The following DNMBP variants were observed in gnomAD, a reference collection of about 807,000 sequenced individuals.
DNMBP encodes the protein dynamin-binding protein.
Under a neutral mutation model 150.0 loss-of-function variants are expected in DNMBP, and 87 were observed. The observed-to-expected ratio is 0.58, with a 90% CI of 0.49 to 0.69. The LOEUF is 0.69. Among genes scored for constraint, DNMBP ranks in the 30% least tolerant of loss-of-function variants. The pLI is 0.00. For missense variants in DNMBP, 1,774 were observed against 1,949.0 expected (o/e 0.91, Z 1.69); for synonymous variants, 711 against 750.4 (o/e 0.95, Z 0.86).
intron 1 of DNMBP, among the ~76,000 whole-genome samples, chr10:99,995,840 G>A (rs565484616): frequency 6.6e-6 from 1 of 152,374 alleles, no homozygotes; most frequent in South Asian, 2.1e-4. Context: ...AAACACGTCT[G>A]TCTTCAAGAA....
intron 1 of DNMBP, among the ~76,000 whole-genome samples, chr10:99,999,138 G>A (rs886417534): frequency 6.6e-6 from 1 of 152,148 alleles, no homozygotes; most frequent in African/African-American, 2.4e-5. Context: ...TGGTGAGTTA[G>A]TCTCGCATAC....
At chr10:99,931,198 T>C (rs1251814505) in intron 4 of DNMBP, among the ~76,000 whole-genome samples, 1 of 152,200 alleles carries the variant, frequency 6.6e-6, no homozygotes, top group African/African-American at 2.4e-5. Flanking sequence ...CCCCCGCCTC[T>C]TTAATCCTTT....
chr10:99,974,260 C>T lies in DNMBP; in HGVS notation c.-10-2126G>A, dbSNP rs117354265. Among the ~76,000 whole-genome samples the T allele has an allele frequency of 3.8e-3, 584 of 152,316 alleles. 2 individuals carry two copies. Among genetic ancestry groups the T allele is most frequent in the Non-Finnish European group, 6.1e-3 (417 of 68,028 alleles). Reference sequence around the variant, plus strand: ...GTTTTTGGTTCACAGAAGTCAGTGGCCCAACCCCGGGGAGTATCCTTGTAC... The same window carrying T: ...GTTTTTGGTTCACAGAAGTCAGTGGTCCAACCCCGGGGAGTATCCTTGTAC... On this transcript the variant is annotated intron_variant, in intron 1 of 16. Transcript: ENST00000324109.
At chr10:99,961,549 A>G in intron 3 of DNMBP, among the ~76,000 whole-genome samples, 1 of 148,496 alleles carries the variant, frequency 6.7e-6, no homozygotes, top group South Asian at 2.2e-4. Context: ...GGTATGAGCC[A>G]CTGTGCCCGG....
chr10:99,879,450 A>C (rs917210267), intron 16 of DNMBP, among the ~76,000 whole-genome samples: 2 of 152,278 alleles, frequency 1.3e-5, no homozygotes, highest in African/African-American at 4.8e-5. Flanking sequence ...CTGGGTGACA[A>C]ACTCCTCAAA....
Position 99,956,556 on chromosome 10 carries a change from C to T in DNMBP, c.918G>A (p.Glu306=). Residue 306 remains glutamate (E), a synonymous_variant, in exon 4 of 17, where the codon GAG becomes GAA. Transcript: ENST00000324109. ...FVKLCPDTRV[E]ETMALPQEGS... ...CTTCCTGGGGCAGAGCCATGGTTTCCTCCACCCGTGTGTCAGGACATAATT... is the reference window on the plus strand; with the variant it reads ...CTTCCTGGGGCAGAGCCATGGTTTCTTCCACCCGTGTGTCAGGACATAATT... The T allele has an allele frequency of 6.2e-7, 1 of 1,614,152 alleles. No homozygotes were observed. The highest frequency in any genetic ancestry group is 8.5e-7 in the Non-Finnish European group (1 of 1,180,022).
At chr10:99,949,377 A>G (rs1291948445) in intron 4 of DNMBP, among the ~76,000 whole-genome samples, 1 of 152,226 alleles carries the variant, frequency 6.6e-6, no homozygotes, top group African/African-American at 2.4e-5. Context: ...TGTTATATTG[A>G]AAGTTCTTTA....
intron 4 of DNMBP, among the ~76,000 whole-genome samples, chr10:99,953,360 A>G (rs1322480472): frequency 1.3e-5 from 2 of 151,922 alleles, no homozygotes; most frequent in South Asian, 2.1e-4. Flanking sequence ...CGGCCTCCCA[A>G]AGTGCTGGTA....
chr10:99,916,491 T>C (rs2039966418), intron 4 of DNMBP, among the ~76,000 whole-genome samples: 1 of 152,176 alleles, frequency 6.6e-6, no homozygotes, highest in East Asian at 1.9e-4. Flanking sequence ...AACCTAGTTG[T>C]GTCATACACA....
At chr10:99,894,404 A>G (rs1198987037) in intron 11 of DNMBP, among the ~76,000 whole-genome samples, 1 of 152,232 alleles carries the variant, frequency 6.6e-6, no homozygotes, top group Non-Finnish European at 1.5e-5. Context: ...GCTTGAGGCA[A>G]GGAAAGACCT....
Position 99,956,888 on chromosome 10 carries a change from C to T in DNMBP, c.586G>A (p.Glu196Lys). Residue 196 changes from glutamate to lysine, a missense_variant, in exon 4 of 17, where the codon GAA becomes AAA. Coordinates refer to ENST00000324109, the MANE Select transcript of DNMBP (RefSeq NM_015221.4). ...ELEGRRGIFPEGFVELLGPLR... is the reference protein window; with the variant it reads ...ELEGRRGIFPKGFVELLGPLR... ...GGCCCCAACAGCTCTACAAAACCTTCTGGAAAAATGCCTCTTCGGCCCTCT... is the reference window on the plus strand; with the variant it reads ...GGCCCCAACAGCTCTACAAAACCTTTTGGAAAAATGCCTCTTCGGCCCTCT... The T allele has an allele frequency of 6.2e-7, 1 of 1,614,236 alleles. No homozygotes were observed. The highest frequency in any genetic ancestry group is 8.5e-7 in the Non-Finnish European group (1 of 1,180,046).
In DNMBP at chr10:99,955,842, GC is replaced by G. The variant is rs771912879; in HGVS notation, c.1631del (p.Gly544AlafsTer9). 4.3e-6 allele frequency: 7 copies of G among 1,614,128 alleles called. No homozygotes were observed. The highest frequency in any genetic ancestry group is 5.9e-6 in the Non-Finnish European group (7 of 1,180,050). On this transcript the variant is annotated frameshift_variant, in exon 4 of 17. Transcript: ENST00000324109. LOFTEE classifies it high-confidence loss of function. ...MEAATHSQGDGSTDLDSKLTQ... is the reference protein window; with the variant it reads ...MEAATHSQGDXSTDLDSKLTQ... ...TCAGCTTCGAGTCCAGGTCAGTGCTGCCGTCTCCCTGTGAATGTGTTGCTGC... is the reference window on the plus strand; with the variant it reads ...TCAGCTTCGAGTCCAGGTCAGTGCTGCGTCTCCCTGTGAATGTGTTGCTGC...
intron 4 of DNMBP, among the ~76,000 whole-genome samples, chr10:99,914,426 T>TGAA (rs1589415438): frequency 6.6e-6 from 1 of 152,188 alleles, no homozygotes; most frequent in African/African-American, 2.4e-5. Flanking sequence ...GGCAAAACTG[T>TGAA]GAAGTGGGCA....
intron 1 of DNMBP, among the ~76,000 whole-genome samples, chr10:100,001,040 G>A (rs1422461001): frequency 1.1e-4 from 17 of 150,486 alleles, no homozygotes; most frequent in Non-Finnish European, 1.6e-4. Context: ...GACCAGCCTG[G>A]CCAACATGGG....
At chr10:99,994,163 G>A (rs1200869340) in intron 1 of DNMBP, among the ~76,000 whole-genome samples, 1 of 152,140 alleles carries the variant, frequency 6.6e-6, no homozygotes, top group Admixed American at 6.6e-5. Context: ...ACAGAATTTA[G>A]TTTCAATTTC....
In DNMBP at chr10:99,879,936, C is replaced by G. The variant is rs1379752462; in HGVS notation, c.4423G>C (p.Val1475Leu). The G allele has an allele frequency of 3.1e-6, 5 of 1,614,232 alleles. No individual in the cohort carries two copies. Among genetic ancestry groups the G allele is most frequent in the Non-Finnish European group, 4.2e-6 (5 of 1,180,044 alleles). The change falls in exon 16 of 17, where the codon GTT becomes CTT. Residue 1475 changes from valine (V) to leucine (L), a missense_variant. By Grantham distance (32) the Val-to-Leu change is conservative. Around this residue, in one of 2 missense-constraint regions of DNMBP, gnomAD observed 1,430 missense variants for 1,492.5 expected, o/e 0.96. Coordinates refer to ENST00000324109, the MANE Select transcript of DNMBP (RefSeq NM_015221.4). ...SYRNFRHPEI[V>L]GYSVPGRNGQ... is the part of the protein sequence containing the mutation. Reference sequence around the variant, plus strand: ...TTTCGTCCTGGTACGGAGTAGCCAACTATTTCTGGATGCCTGAAGTTCCGG... The same window carrying G: ...TTTCGTCCTGGTACGGAGTAGCCAAGTATTTCTGGATGCCTGAAGTTCCGG...
intron 1 of DNMBP, among the ~76,000 whole-genome samples, chr10:99,986,427 G>A (rs541075762): frequency 3.3e-4 from 50 of 151,928 alleles, no homozygotes; most frequent in African/African-American, 1.0e-3. Context: ...CAAAAGCAAG[G>A]GAGAATTTAT....
intron 7 of DNMBP, among the ~76,000 whole-genome samples, chr10:99,899,377 G>A (rs185717525): frequency 6.6e-6 from 1 of 152,176 alleles, no homozygotes; most frequent in African/African-American, 2.4e-5. Context: ...CGAGGCAGGC[G>A]GATCACTTGA....
chr10:99,955,387 A>G lies in DNMBP; in HGVS notation c.2087T>C (p.Val696Ala), dbSNP rs755238687. The G allele has an allele frequency of 1.9e-6, 3 of 1,614,064 alleles. No individual in the cohort carries two copies. The highest frequency in any genetic ancestry group is 2.5e-6 in the Non-Finnish European group (3 of 1,180,010). Reference sequence around the variant, plus strand: ...GTCCCGCTCCATTTCCTCAATCCTCACCAGCACTAAGGGGCATGGGGAGGT... The same window carrying G: ...GTCCCGCTCCATTTCCTCAATCCTCGCCAGCACTAAGGGGCATGGGGAGGT... ...DQTSPCPLVL[V>A]RIEEMERDLD... Residue 696 changes from valine to alanine, a missense_variant, in exon 4 of 17, where the codon GTG becomes GCG. By Grantham distance (64) the Val-to-Ala change is moderately conservative. Coordinates refer to ENST00000324109, the MANE Select transcript of DNMBP (RefSeq NM_015221.4).
Sources: allele counts gnomAD v4.1 joint callset (sites outside exome capture counted in the v4.1 genomes callset), GRCh38; gene constraint gnomAD v4.1.1; regional missense constraint gnomAD v4.1.1; transcripts MANE v1.5; gene names NCBI Gene and HGNC (gene_info 2026-07-23, HGNC 2026-07-21).